The following SLCO1A2 variants were observed in gnomAD, a reference collection of about 807,000 sequenced individuals.
The protein encoded by SLCO1A2 is solute carrier organic anion transporter family member 1A2.
SLCO1A2 carries 67 observed loss-of-function variants against 69.0 expected under a neutral mutation model. The ratio of observed to expected loss-of-function variants is 0.97; its 90% confidence interval spans 0.80 to 1.19. SLCO1A2 has a LOEUF of 1.19. Ranked by LOEUF, SLCO1A2 falls within the 50% of genes most tolerant of loss-of-function variation. The pLI is 0.00. For missense variants in SLCO1A2, 787 were observed against 793.7 expected (o/e 0.99, Z 0.10); for synonymous variants, 260 against 265.9 (o/e 0.98, Z 0.22).
chr12:21,345,596 C>T (rs1389612885), intron 2 of SLCO1A2, among the ~76,000 whole-genome samples: 1 of 152,068 alleles, frequency 6.6e-6, no homozygotes, highest in Non-Finnish European at 1.5e-5. Context: ...TTTATTACAT[C>T]ATCATAGAAG....
At chr12:21,326,579 C>G (rs1486057042) in intron 2 of SLCO1A2, among the ~76,000 whole-genome samples, 1 of 152,106 alleles carries the variant, frequency 6.6e-6, no homozygotes, top group Non-Finnish European at 1.5e-5. Context: ...CTGAGGTGTT[C>G]TCAGATGGAG....
chr12:21,355,135 A>G (rs1362663773), intron 2 of SLCO1A2: 1 of 152,176 alleles, frequency 6.6e-6, no homozygotes, highest in Non-Finnish European at 1.5e-5. Flanking sequence ...CATGTATATT[A>G]TTTTATTATA....
intron 3 of SLCO1A2, among the ~76,000 whole-genome samples, chr12:21,316,080 T>C (rs752223978): frequency 9.2e-5 from 14 of 152,274 alleles, no homozygotes; most frequent in South Asian, 2.1e-4. Flanking sequence ...GTGGTAGAAA[T>C]TGTTAATATA....
intron 1 of SLCO1A2, chr12:21,378,360 T>C (rs2137114392): frequency 1.2e-6 from 2 of 1,614,128 alleles, no homozygotes; most frequent in Non-Finnish European, 8.5e-7. Flanking sequence ...TGGGATCCAA[T>C]ACATATGGCA....
chr12:21,389,543 C>T (rs1941051414), intron 1 of SLCO1A2, among the ~76,000 whole-genome samples: 1 of 152,064 alleles, frequency 6.6e-6, no homozygotes, highest in African/African-American at 2.4e-5. Context: ...ACTCAAAATA[C>T]AGTCTAACCT....
At chr12:21,272,403 G>C (rs986552638) in intron 14 of SLCO1A2, among the ~76,000 whole-genome samples, 1 of 151,558 alleles carries the variant, frequency 6.6e-6, no homozygotes, top group African/African-American at 2.4e-5. Context: ...CCATTCTGTA[G>C]ATTTATTCTT....
chr12:21,299,657 CT>C (rs766785106), intron 8 of SLCO1A2, among the ~76,000 whole-genome samples: 1 of 149,782 alleles, frequency 6.7e-6, no homozygotes, highest in Non-Finnish European at 1.5e-5. Context: ...TTAGAGTATA[CT>C]TTTTCCTACT....
chr12:21,363,061 G>A (rs566649351), intron 2 of SLCO1A2, among the ~76,000 whole-genome samples: 171 of 152,306 alleles, frequency 1.1e-3, no homozygotes, highest in African/African-American at 4.0e-3. Context: ...GACATCTACA[G>A]AACTCTCCAC....
intron 2 of SLCO1A2, among the ~76,000 whole-genome samples, chr12:21,322,308 C>G (rs1951731883): frequency 6.6e-6 from 1 of 152,156 alleles, no homozygotes; most frequent in East Asian, 1.9e-4. Flanking sequence ...GTTTATTTTG[C>G]CAGGGTTAAG....
In SLCO1A2 at chr12:21,292,274, G is replaced by T; in HGVS notation, c.1500C>A (p.Cys500Ter). Residue 500 changes from cysteine (C) to a stop codon, truncating the protein, a stop_gained, in exon 12 of 15, where the codon TGC (cysteine) becomes TGA (stop). Transcript: ENST00000683939. LOFTEE classifies it high-confidence loss of function. Reference sequence around the variant, plus strand: ...TCAAGGAACAGTCAGGTCCTTTGTCGCACAGCCCAAGAACTGCAGATGAAT... The same window carrying T: ...TCAAGGAACAGTCAGGTCCTTTGTCTCACAGCCCAAGAACTGCAGATGAAT... ...SGNSSAVLGL[C>*]DKGPDCSLML... The T allele has an allele frequency of 1.9e-6, 3 of 1,612,542 alleles. No homozygotes were observed. Among genetic ancestry groups the T allele is most frequent in the Non-Finnish European group, 2.5e-6 (3 of 1,178,930 alleles).
At chr12:21,275,332 G>A (rs1943623570) in intron 13 of SLCO1A2, 28 bp downstream of exon 13, 1 of 1,519,538 alleles carries the variant, frequency 6.6e-7, no homozygotes. Context: ...TGTTCTGATA[G>A]GATGTGGGAA....
intron 2 of SLCO1A2, chr12:21,373,101 A>G: frequency 1.9e-6 from 1 of 513,648 alleles, no homozygotes; most frequent in Non-Finnish European, 3.5e-6. Flanking sequence ...GGCTAAAGGG[A>G]GAATGTATTA....
chr12:21,407,877 A>C (rs191782708), intron 1 of SLCO1A2, among the ~76,000 whole-genome samples: 11 of 152,152 alleles, frequency 7.2e-5, no homozygotes, highest in African/African-American at 2.4e-4. Flanking sequence ...GGCCAGGGGA[A>C]GGAAGAGTAG....
chr12:21,308,184 C>T (rs1363581709), intron 4 of SLCO1A2, among the ~76,000 whole-genome samples: 1 of 152,110 alleles, frequency 6.6e-6, no homozygotes, highest in African/African-American at 2.4e-5. Context: ...AACTCAAAGT[C>T]TATTCATTCC....
rs571332977 is a variant in SLCO1A2 at position 21,279,787 on chromosome 12, C to CA, written c.1611-4364dup. ...AAGATCACTGGAAATAGTAAGTAAG[C>CA]AAAAAAATGCAGAATATTATAACAC... is the stretch of plus-strand genomic sequence containing the variant. On this transcript the variant is annotated intron_variant, in intron 12 of 14. Transcript: ENST00000683939. 5.6e-3 allele frequency among the ~76,000 whole-genome samples: 855 copies of CA among 151,678 alleles called. 9 individuals carry two copies. The highest frequency in any genetic ancestry group is 0.019 in the African/African-American group (801 of 41,394).
chr12:21,364,254 A>C (rs1373349335), intron 2 of SLCO1A2, among the ~76,000 whole-genome samples: 5 of 152,336 alleles, frequency 3.3e-5, no homozygotes, highest in Non-Finnish European at 7.3e-5. Context: ...TATGCAAATC[A>C]ATAAACATAA....
At chr12:21,283,031 A>G (rs1483309423) in intron 12 of SLCO1A2, among the ~76,000 whole-genome samples, 5 of 152,176 alleles carry the variant, frequency 3.3e-5, no homozygotes, top group Non-Finnish European at 5.9e-5. Flanking sequence ...TGCTATTTCT[A>G]TCAATAAACC....
At chr12:21,274,864 G>T in intron 13 of SLCO1A2, 1 of 984,602 alleles carries the variant, frequency 1.0e-6, no homozygotes. Flanking sequence ...AATGTTTTGG[G>T]CCAGTTATAT....
intron 13 of SLCO1A2, chr12:21,275,088 G>A (rs1943550554): frequency 9.6e-7 from 1 of 1,041,012 alleles, no homozygotes; most frequent in Non-Finnish European, 1.2e-6. Context: ...TGTTTATCTA[G>A]TATTTAATAT....
Sources: gnomAD v4.1 joint callset for allele counts (sites outside exome capture counted in the v4.1 genomes callset) on GRCh38, gnomAD v4.1.1 for gene constraint, MANE v1.5 for transcripts, NCBI Gene and HGNC (gene_info 2026-07-23, HGNC 2026-07-21) for gene names.